SLC8A1: variants seen among roughly 807,000 people sequenced by gnomAD.
The protein encoded by SLC8A1 is sodium/calcium exchanger 1.
A neutral mutation model predicts 68.3 loss-of-function variants in SLC8A1; 18 were observed. The observed-to-expected ratio is 0.26, with a 90% CI of 0.18 to 0.39. The LOEUF (loss-of-function observed/expected upper bound fraction) is 0.39, where lower values mean the gene tolerates loss of function less well. Among genes scored for constraint, SLC8A1 ranks in the 10% least tolerant of loss-of-function variants. The pLI is 1.00. For missense variants in SLC8A1, 985 were observed against 1,156.7 expected, an observed-to-expected ratio of 0.85 and a Z score of 2.15; for synonymous variants, 475 against 415.5, an observed-to-expected ratio of 1.14 and a Z score of -1.74.
At chr2:40,289,887 T>G (rs1333071504) in intron 2 of SLC8A1, among the ~76,000 whole-genome samples, 1 of 151,498 alleles carries the variant, frequency 6.6e-6, no homozygotes, top group East Asian at 1.9e-4. Context: ...TAAATTAAAT[T>G]AAATTAAAAA....
intron 2 of SLC8A1, among the ~76,000 whole-genome samples, chr2:40,380,129 T>G (rs1467955060): frequency 2.0e-5 from 3 of 152,166 alleles, no homozygotes; most frequent in African/African-American, 7.2e-5. Context: ...CACTGTTTGT[T>G]GTTCTATCTC....
At chr2:40,233,291 C>A (rs1219871157) in intron 2 of SLC8A1, among the ~76,000 whole-genome samples, 1 of 152,228 alleles carries the variant, frequency 6.6e-6, no homozygotes, top group Non-Finnish European at 1.5e-5. Flanking sequence ...GATCACCATT[C>A]TAACTGGTGT....
intron 2 of SLC8A1, among the ~76,000 whole-genome samples, chr2:40,241,739 A>G (rs2061250786): frequency 6.6e-6 from 1 of 152,180 alleles, no homozygotes; most frequent in Admixed American, 6.5e-5. Flanking sequence ...TCTACTTTAG[A>G]AAAGAACTCC....
intron 2 of SLC8A1, among the ~76,000 whole-genome samples, chr2:40,373,988 G>A (rs1277061507): frequency 6.6e-6 from 1 of 152,132 alleles, no homozygotes; most frequent in Non-Finnish European, 1.5e-5. Flanking sequence ...AATCTGAGAA[G>A]AGGTATCAGA....
intron 2 of SLC8A1, among the ~76,000 whole-genome samples, chr2:40,192,592 T>A (rs1177953047): frequency 6.6e-6 from 1 of 152,158 alleles, no homozygotes. Context: ...AGGGTGGGTC[T>A]ATGTATAATG....
intron 2 of SLC8A1, among the ~76,000 whole-genome samples, chr2:40,199,489 G>A (rs922879530): frequency 6.6e-6 from 1 of 151,364 alleles, no homozygotes; most frequent in South Asian, 2.1e-4. Flanking sequence ...GCAACCAATA[G>A]GATTTATTTT....
intron 4 of SLC8A1, among the ~76,000 whole-genome samples, chr2:40,171,667 T>C (rs1357647051): frequency 6.6e-6 from 1 of 152,250 alleles, no homozygotes; most frequent in Non-Finnish European, 1.5e-5. Flanking sequence ...TCATCATTAA[T>C]TTCTTCAAAC....
intron 1 of SLC8A1, among the ~76,000 whole-genome samples, chr2:40,442,126 C>A (rs1700603905): frequency 1.3e-5 from 2 of 150,324 alleles, no homozygotes; most frequent in South Asian, 2.1e-4. Flanking sequence ...GTGCAGCACA[C>A]CAGCATGGCA....
At chr2:40,436,352 G>T (rs1314203517) in intron 1 of SLC8A1, among the ~76,000 whole-genome samples, 1 of 152,112 alleles carries the variant, frequency 6.6e-6, no homozygotes, top group Non-Finnish European at 1.5e-5. Context: ...GTTAAAAAAT[G>T]TTGTCTGTGT....
chr2:40,311,653 C>T (rs1188575001), intron 2 of SLC8A1, among the ~76,000 whole-genome samples: 1 of 151,848 alleles, frequency 6.6e-6, no homozygotes, highest in African/African-American at 2.4e-5. Flanking sequence ...AATTGTATCC[C>T]CAAGTAGTGG....
At chr2:40,200,140 G>C (rs1355320063) in intron 2 of SLC8A1, among the ~76,000 whole-genome samples, 2 of 104,696 alleles carry the variant, frequency 1.9e-5, no homozygotes, top group Non-Finnish European at 3.8e-5. Flanking sequence ...ATATCTATGT[G>C]TCTCTGCAGC....
At chr2:40,329,148 G>A (rs1320808346) in intron 2 of SLC8A1, among the ~76,000 whole-genome samples, 3 of 150,258 alleles carry the variant, frequency 2.0e-5, no homozygotes, top group Non-Finnish European at 4.4e-5. Flanking sequence ...ACTTTCACTC[G>A]GCCAAACCTT....
chr2:40,414,810 C>A (rs4952620), intron 2 of SLC8A1, among the ~76,000 whole-genome samples: 93,243 of 151,922 alleles, frequency 0.61, 31,543 homozygotes, highest in East Asian at 0.93. Flanking sequence ...TTTATGCCTA[C>A]AGATCAATAT....
chr2:40,474,437 C>T (rs1367177381), intron 1 of SLC8A1, among the ~76,000 whole-genome samples: 1 of 152,118 alleles, frequency 6.6e-6, no homozygotes, highest in Non-Finnish European at 1.5e-5. Flanking sequence ...ATTAACTTTA[C>T]CATTCAATTT....
chr2:40,450,245 C>A (rs559924045), intron 1 of SLC8A1, among the ~76,000 whole-genome samples: 2 of 152,220 alleles, frequency 1.3e-5, no homozygotes, highest in Non-Finnish European at 1.5e-5. Flanking sequence ...ATCCCTCTTC[C>A]GGCTTTGTCT....
chr2:40,483,503 T>C (rs551866870), intron 1 of SLC8A1, among the ~76,000 whole-genome samples: 1 of 152,262 alleles, frequency 6.6e-6, no homozygotes, highest in Non-Finnish European at 1.5e-5. Flanking sequence ...CGCAAGAGAA[T>C]AGCTACAGTC....
intron 2 of SLC8A1, among the ~76,000 whole-genome samples, chr2:40,354,708 G>A (rs1026248799): frequency 6.6e-6 from 1 of 152,044 alleles, no homozygotes; most frequent in Admixed American, 6.6e-5. Flanking sequence ...GTTTTAAGTT[G>A]TATAAATCTT....
intron 2 of SLC8A1, among the ~76,000 whole-genome samples, chr2:40,347,922 TTCTG>T (rs969143035): frequency 8.5e-5 from 13 of 152,206 alleles, no homozygotes; most frequent in Admixed American, 2.0e-4. Flanking sequence ...ACACATTCTT[TTCTG>T]TCTAAGATGG....
intron 6 of SLC8A1, among the ~76,000 whole-genome samples, chr2:40,150,086 A>G (rs1334792614): frequency 1.4e-5 from 2 of 147,846 alleles, no homozygotes; most frequent in Non-Finnish European, 3.0e-5. Flanking sequence ...AGGGGAGGTT[A>G]GAATCACTGC....
Sources: gnomAD v4.1 joint callset for allele counts (sites outside exome capture counted in the v4.1 genomes callset) on GRCh38, gnomAD v4.1.1 for gene constraint, MANE v1.5 for transcripts, NCBI Gene and HGNC (gene_info 2026-07-23, HGNC 2026-07-21) for gene names.